Variants in C2CD3 observed in about 807,000 individuals in gnomAD.
C2CD3 encodes the protein C2 domain containing 3 centriole elongation regulator.
C2CD3 carries 148 observed loss-of-function variants against 234.0 expected under a neutral mutation model. The ratio of observed to expected loss-of-function variants is 0.63; its 90% CI spans 0.55 to 0.72. The LOEUF (loss-of-function observed/expected upper bound fraction) is 0.72. Among genes scored for constraint, C2CD3 ranks in the 30% least tolerant of loss-of-function variants. The pLI is 0.00. For synonymous variants in C2CD3, 1,000 were observed against 1,035.4 expected (o/e 0.97, Z 0.66); for missense variants, 2,577 against 2,811.5 (o/e 0.92, Z 1.89).
At chr11:74,142,832 G>A (rs1321519091) in intron 3 of C2CD3, among the ~76,000 whole-genome samples, 7 of 152,056 alleles carry the variant, frequency 4.6e-5, no homozygotes, top group Non-Finnish European at 1.0e-4. Flanking sequence ...CTTCATTCCT[G>A]TCCACCTCAA....
At chr11:74,149,113 T>C (rs939607338) in intron 3 of C2CD3, among the ~76,000 whole-genome samples, 2 of 152,240 alleles carry the variant, frequency 1.3e-5, no homozygotes, top group Admixed American at 1.3e-4. Flanking sequence ...CTTTGACTTC[T>C]AGTTTCCAGG....
intron 8 of C2CD3, among the ~76,000 whole-genome samples, chr11:74,118,904 T>C (rs963561680): frequency 1.5e-5 from 2 of 136,900 alleles, no homozygotes; most frequent in East Asian, 2.1e-4. Flanking sequence ...CTGGATAGAC[T>C]ATTTTTTTTT....
chr11:74,067,135 G>C (rs1023840848), intron 24 of C2CD3, among the ~76,000 whole-genome samples: 1 of 152,158 alleles, frequency 6.6e-6, no homozygotes, highest in Admixed American at 6.5e-5. Context: ...CACAAAACCA[G>C]ACCAGATGAC....
At chr11:74,102,973 C>T (rs1956369182) in intron 14 of C2CD3, among the ~76,000 whole-genome samples, 158 bp downstream of exon 14, 1 of 152,172 alleles carries the variant, frequency 6.6e-6, no homozygotes, top group African/African-American at 2.4e-5. Flanking sequence ...ATGCCTTTCC[C>T]TCTTCCCATC....
intron 26 of C2CD3, among the ~76,000 whole-genome samples, chr11:74,051,815 C>A (rs911073461): frequency 6.6e-6 from 1 of 152,124 alleles, no homozygotes; most frequent in Non-Finnish European, 1.5e-5. Flanking sequence ...GGACAGGGAC[C>A]ATGCCTGTTT....
In C2CD3 at chr11:74,034,068, C is replaced by T; in HGVS notation, c.6092G>A (p.Gly2031Glu). 1 of 1,536,252 alleles carries T rather than the reference C, an allele frequency of 6.5e-7. No homozygotes were observed. Among genetic ancestry groups the T allele is most frequent in the Non-Finnish European group, 8.7e-7 (1 of 1,146,874 alleles). The change falls in exon 31 of 33, where the codon GGA (glycine) becomes GAA (glutamate). Residue 2031 changes from glycine to glutamate, a missense_variant. By Grantham distance (98) the Gly-to-Glu change is moderately conservative. Coordinates refer to ENST00000334126, the MANE Select transcript of C2CD3 (RefSeq NM_001286577.2). ...PPPLEETSNG[G>E]RMLHESLRHA... ...CCTCAGGGACTCATGGAGCATTCTT[C>T]CTCCATTTGAAGTCTCTTCGAGAGG...
At chr11:74,061,638 A>G (rs914333674) in intron 24 of C2CD3, among the ~76,000 whole-genome samples, 1 of 152,248 alleles carries the variant, frequency 6.6e-6, no homozygotes, top group Admixed American at 6.5e-5. Context: ...AAACATGGAA[A>G]GGAACAACCA....
chr11:74,123,268 A>G (rs1392790616), intron 7 of C2CD3, 133 bp from the exon 8 acceptor site: 2 of 638,960 alleles, frequency 3.1e-6, no homozygotes, highest in African/African-American at 1.8e-5. Context: ...CATTAAACAA[A>G]AGACTACTGA....
At chr11:74,159,924 C>A (rs1477714784) in intron 3 of C2CD3, among the ~76,000 whole-genome samples, 1 of 152,090 alleles carries the variant, frequency 6.6e-6, no homozygotes, top group African/African-American at 2.4e-5. Context: ...ATCTTTTATA[C>A]TGTTATTTTA....
chr11:74,111,349 G>A (rs1269664115), intron 11 of C2CD3, among the ~76,000 whole-genome samples: 2 of 152,160 alleles, frequency 1.3e-5, no homozygotes, highest in African/African-American at 4.8e-5. Context: ...CCAATATGAT[G>A]CCAGAGTGGA....
intron 2 of C2CD3, among the ~76,000 whole-genome samples, chr11:74,163,328 A>G (rs756918281): frequency 6.6e-6 from 1 of 152,198 alleles, no homozygotes; most frequent in Non-Finnish European, 1.5e-5. Flanking sequence ...GTCTTCCCAC[A>G]TGGTAGTTGC....
intron 23 of C2CD3, among the ~76,000 whole-genome samples, chr11:74,075,956 C>T (rs826065): frequency 0.061 from 9,285 of 152,198 alleles, 886 homozygotes; most frequent in African/African-American, 0.2. Flanking sequence ...ATGAGAGAAA[C>T]GGATGATCTG....
intron 12 of C2CD3, among the ~76,000 whole-genome samples, chr11:74,107,250 A>G (rs1956559018): frequency 6.6e-6 from 1 of 152,038 alleles, no homozygotes; most frequent in South Asian, 2.1e-4. Context: ...GCTCGAACCC[A>G]GGAGGCTGAG....
intron 26 of C2CD3, among the ~76,000 whole-genome samples, chr11:74,051,376 T>C (rs1346997065): frequency 1.3e-5 from 2 of 151,730 alleles, no homozygotes; most frequent in Admixed American, 6.6e-5. Flanking sequence ...TTCCCCAGAG[T>C]GGGGGTCAAG....
rs1857144160 is a variant in C2CD3, at chr11:74,170,755, C to T, written c.38G>A (p.Arg13His). ...CAGGTTACCTCTTTTTTTGCGCCCA[C>T]GGCTGCCCCCAGACCCTTGGCCTTT... ...QRKGQGSGGSRGRKKRGLSDI... is the reference protein window; with the variant it reads ...QRKGQGSGGSHGRKKRGLSDI... The change falls in exon 1 of 33, where the codon CGT becomes CAT. Residue 13 changes from arginine to histidine, a missense_variant. Physicochemically the swap from Arg to His is conservative, Grantham distance 29 (BLOSUM62 0). Transcript: ENST00000334126. 1.2e-6 allele frequency: 2 copies of T among 1,614,170 alleles called. No homozygotes were observed. The highest frequency in any genetic ancestry group is 1.7e-6 in the Non-Finnish European group (2 of 1,180,018).
At chr11:74,019,315 G>A (rs1034456857) in intron 32 of C2CD3, among the ~76,000 whole-genome samples, 5 of 146,052 alleles carry the variant, frequency 3.4e-5, no homozygotes. Context: ...CTGGGCCAGG[G>A]TGGCGCCAGC....
intron 22 of C2CD3, among the ~76,000 whole-genome samples, chr11:74,082,163 C>T (rs1184307909): frequency 6.7e-6 from 1 of 149,442 alleles, no homozygotes; most frequent in Non-Finnish European, 1.5e-5. Flanking sequence ...CGGTCTGTCG[C>T]CCAGGCTGGA....
chr11:74,040,503 T>G (rs1952982057), intron 29 of C2CD3, among the ~76,000 whole-genome samples: 3 of 152,028 alleles, frequency 2.0e-5, no homozygotes, highest in Admixed American at 2.0e-4. Flanking sequence ...CCGGGTGCAA[T>G]GGCTCACGCC....
At chr11:74,031,164 T>C (rs756436944) in intron 31 of C2CD3, among the ~76,000 whole-genome samples, 5 of 152,248 alleles carry the variant, frequency 3.3e-5, no homozygotes, top group Non-Finnish European at 7.3e-5. Context: ...CCAGGTATTG[T>C]GCTAGGCAGT....
Sources: gnomAD v4.1 joint callset for allele counts (sites outside exome capture counted in the v4.1 genomes callset) on GRCh38, gnomAD v4.1.1 for gene constraint, MANE v1.5 for transcripts, NCBI Gene and HGNC (gene_info 2026-07-23, HGNC 2026-07-21) for gene names.